NAA15: variants seen among roughly 807,000 people sequenced by gnomAD.
NAA15 encodes N-alpha-acetyltransferase 15, NatA auxiliary subunit, also known as N-terminal acetyltransferase.
NAA15 carries 34 observed loss-of-function variants against 114.0 expected under a neutral mutation model. The observed-to-expected ratio is 0.30, with a 90% CI of 0.23 to 0.40. NAA15 has a LOEUF of 0.40. Ranked by LOEUF, NAA15 falls within the 10% of genes least tolerant of loss-of-function variation. NAA15 has a pLI of 1.00. For synonymous variants in NAA15, 340 were observed against 338.0 expected (o/e 1.01, Z -0.06); for missense variants, 658 against 1,004.5 (o/e 0.66, Z 4.66).
At chr4:139,345,551 C>T (rs894678309) in intron 6 of NAA15, among the ~76,000 whole-genome samples, 1 of 152,136 alleles carries the variant, frequency 6.6e-6, no homozygotes, top group African/African-American at 2.4e-5. Flanking sequence ...ATTTAGAAGT[C>T]ATTGGTGACC....
At chr4:139,370,618 T>C (rs930221129) in intron 15 of NAA15, among the ~76,000 whole-genome samples, 1 of 152,198 alleles carries the variant, frequency 6.6e-6, no homozygotes, top group African/African-American at 2.4e-5. Flanking sequence ...CAAAGTCATA[T>C]AGTATAGTAT....
At chr4:139,385,321 C>T (rs1219995048) in intron 18 of NAA15, among the ~76,000 whole-genome samples, 2 of 116,702 alleles carry the variant, frequency 1.7e-5, no homozygotes, top group African/African-American at 4.2e-5. Context: ...TATATATATG[C>T]GCTTCCTATA....
intron 9 of NAA15, among the ~76,000 whole-genome samples, chr4:139,353,268 G>A (rs920487159): frequency 2.6e-5 from 4 of 152,168 alleles, no homozygotes; most frequent in African/African-American, 9.7e-5. Context: ...TAGGCTTGTA[G>A]CTCAGCTTGT....
rs145525116 is a variant in NAA15 at position 139,381,914 on chromosome 4, G to A, written c.2156-2918G>A. Among the ~76,000 whole-genome samples, 890 of 152,114 alleles carry A rather than the reference G, an allele frequency of 5.9e-3. 14 individuals carry two copies. Among genetic ancestry groups the A allele is most frequent in the African/African-American group, 0.021 (857 of 41,510 alleles). On this transcript the variant is annotated intron_variant, in intron 17 of 19. Coordinates refer to ENST00000296543, the MANE Select transcript of NAA15 (RefSeq NM_057175.5). The stretch of plus-strand genomic sequence containing the variant: ...GAAAAGGTTTTATATTCCCCTTCTC[G>A]CTCATCAGTTATTACTTTTCCTTGA...
chr4:139,368,730 G>A (rs937085308), intron 14 of NAA15, among the ~76,000 whole-genome samples: 1 of 152,116 alleles, frequency 6.6e-6, no homozygotes, highest in Admixed American at 6.5e-5. Context: ...GGGGTGGAGG[G>A]GGGTCCTGCC....
chr4:139,362,994 G>A (rs555442106), intron 14 of NAA15, among the ~76,000 whole-genome samples: 124 of 151,968 alleles, frequency 8.2e-4, no homozygotes, highest in Non-Finnish European at 1.4e-3. Context: ...CTAATTTGTC[G>A]TTAAGTTTTA....
rs565724999 is a variant in NAA15 at position 139,342,777 on chromosome 4, G to T, written c.403-49G>T. On this transcript the variant is annotated intron_variant, in intron 4 of 19. Transcript: ENST00000296543. ...ATGGAGATCTTTTAAAGGAGCACTT[G>T]CTGTTACTAAAAGCCTAAGAAAAAG... 3 of 1,570,830 alleles carry T rather than the reference G, an allele frequency of 1.9e-6. No individual in the cohort carries two copies. The East Asian group carries it at 6.8e-5, about 35-fold the overall frequency.
chr4:139,315,589 A>C (rs1746384959), intron 1 of NAA15, among the ~76,000 whole-genome samples: 1 of 151,856 alleles, frequency 6.6e-6, no homozygotes, highest in African/African-American at 2.4e-5. Flanking sequence ...ACTTTTCTAA[A>C]CTACCTCCCA....
At chr4:139,324,697 C>T (rs555492103) in intron 1 of NAA15, among the ~76,000 whole-genome samples, 17 of 152,214 alleles carry the variant, frequency 1.1e-4, no homozygotes, top group African/African-American at 3.4e-4. Flanking sequence ...TTCAGGAGGC[C>T]GAGGCAGGGG....
chr4:139,369,821 T>C (rs1049049106), intron 14 of NAA15, among the ~76,000 whole-genome samples: 13 of 152,136 alleles, frequency 8.5e-5, no homozygotes, highest in Non-Finnish European at 2.9e-5. Flanking sequence ...ATTTGTTTTT[T>C]GAGACAGAGT....
chr4:139,316,842 C>T (rs1480863474), intron 1 of NAA15, among the ~76,000 whole-genome samples: 1 of 151,122 alleles, frequency 6.6e-6, no homozygotes, highest in Non-Finnish European at 1.5e-5. Flanking sequence ...TTAACACCTC[C>T]CCCCACCCCC....
intron 15 of NAA15, among the ~76,000 whole-genome samples, chr4:139,375,561 T>C (rs1748558925): frequency 6.6e-6 from 1 of 152,174 alleles, no homozygotes; most frequent in Admixed American, 6.5e-5. Context: ...TGACCAGATG[T>C]GGCAAATTCA....
At chr4:139,380,263 G>T (rs1010259073) in intron 17 of NAA15, among the ~76,000 whole-genome samples, 1 of 150,922 alleles carries the variant, frequency 6.6e-6, no homozygotes, top group East Asian at 1.9e-4. Context: ...TTTTTTGGGG[G>T]GGGGGAGTAT....
At chr4:139,344,414 T>C in intron 6 of NAA15, 75 bp downstream of exon 6, 1 of 1,232,342 alleles carries the variant, frequency 8.1e-7, no homozygotes, top group Non-Finnish European at 1.1e-6. Context: ...TAGTTGCTGC[T>C]GACAGTTTCA....
chr4:139,309,005 A>G (rs1746123616), intron 1 of NAA15, among the ~76,000 whole-genome samples: 1 of 152,178 alleles, frequency 6.6e-6, no homozygotes, highest in South Asian at 2.1e-4. Context: ...ATATGTGTAT[A>G]TAATGTGTAT....
intron 4 of NAA15, 53 bp from the exon 5 acceptor site, chr4:139,342,773 A>G: frequency 6.4e-7 from 1 of 1,556,742 alleles, no homozygotes; most frequent in Non-Finnish European, 8.8e-7. Context: ...TTAAAGGAGC[A>G]CTTGCTGTTA....
intron 15 of NAA15, among the ~76,000 whole-genome samples, chr4:139,372,691 G>A (rs1748474672): frequency 6.6e-6 from 1 of 152,086 alleles, no homozygotes; most frequent in Non-Finnish European, 1.5e-5. Flanking sequence ...CGCCTGCCAA[G>A]TCTGGTTCTG....
At chr4:139,305,708 A>G (rs1339851770) in intron 1 of NAA15, among the ~76,000 whole-genome samples, 4 of 151,714 alleles carry the variant, frequency 2.6e-5, no homozygotes, top group African/African-American at 4.8e-5. Context: ...CTAATTTTGT[A>G]TTGTTAGTAG....
At position 139,349,085 on chromosome 4, in the gene NAA15, G is replaced by C. The variant is rs559142713; in HGVS notation, c.692-377G>C. Among the ~76,000 whole-genome samples, 30 of 152,338 alleles carry C rather than the reference G, an allele frequency of 2.0e-4. No homozygotes were observed. The South Asian group carries it at 5.2e-3, about 26-fold the overall frequency. Reference sequence around the variant, plus strand: ...TTTGTAGCTGATTAAGGGATCATAAGGTTAGGATATTGAATTGAGTCATTA... The same window carrying C: ...TTTGTAGCTGATTAAGGGATCATAACGTTAGGATATTGAATTGAGTCATTA... On this transcript the variant is annotated intron_variant, in intron 6 of 19. Coordinates refer to ENST00000296543, the MANE Select transcript of NAA15 (RefSeq NM_057175.5).
Sources: allele counts gnomAD v4.1 joint callset (sites outside exome capture counted in the v4.1 genomes callset), GRCh38; gene constraint gnomAD v4.1.1; transcripts MANE v1.5; gene names NCBI Gene and HGNC (gene_info 2026-07-23, HGNC 2026-07-21).